CMYA5: variants seen among roughly 807,000 people sequenced by gnomAD.
CMYA5 encodes cardiomyopathy associated 5, also known as cardiomyopathy-associated protein 5.
In CMYA5, 246 loss-of-function variants were observed where a neutral mutation model predicts 318.9. The observed-to-expected ratio is 0.77, with a 90% CI of 0.70 to 0.86. The LOEUF (loss-of-function observed/expected upper bound fraction) is 0.86, where lower values mean the gene tolerates loss of function less well. Ranked by LOEUF, CMYA5 falls within the 40% of genes least tolerant of loss-of-function variation. CMYA5 has a pLI of 0.00. For synonymous variants in CMYA5, 1,641 were observed against 1,729.5 expected (o/e 0.95, Z 1.27); for missense variants, 4,589 against 4,678.2 (o/e 0.98, Z 0.56).
At chr5:79,723,513 T>A (rs60881053) in intron 1 of CMYA5, among the ~76,000 whole-genome samples, 32,706 of 149,566 alleles carry the variant, frequency 0.22, 6,347 homozygotes, top group African/African-American at 0.51. Flanking sequence ...TGTAATCCTA[T>A]CACTTTGGGA....
chr5:79,747,823 T>C (rs1828356449), intron 5 of CMYA5, among the ~76,000 whole-genome samples: 1 of 152,216 alleles, frequency 6.6e-6, no homozygotes. Context: ...TTGAGCCTAA[T>C]GTTTTCTCCT....
In CMYA5 at chr5:79,735,524, A is replaced by T. The variant is rs1580773176; in HGVS notation, c.6759A>T (p.Leu2253Phe). 6.2e-7 allele frequency: 1 copy of T among 1,613,156 alleles called. No individual in the cohort carries two copies. Among genetic ancestry groups the T allele is most frequent in the East Asian group, 2.2e-5 (1 of 44,878 alleles). The change falls in exon 2 of 13, where the codon TTA becomes TTT. Residue 2253 changes from leucine to phenylalanine, a missense_variant. This residue lies in a region of CMYA5 where 2,431 missense variants were observed against 2,495.1 expected (regional missense o/e 0.97). Coordinates refer to ENST00000446378, the MANE Select transcript of CMYA5 (RefSeq NM_153610.5). ...CTGCTGATGAACCCAGAGGTACTTT[A>T]GTAAAATCTGGTGACGGTCAAAACG... ...LKTADEPRGTLVKSGDGQNVK... is the reference protein window; with the variant it reads ...LKTADEPRGTFVKSGDGQNVK...
At chr5:79,761,766 T>C in intron 7 of CMYA5, 45 bp from the exon 8 acceptor site, 5 of 1,564,866 alleles carry the variant, frequency 3.2e-6, no homozygotes, top group Non-Finnish European at 4.3e-6. Flanking sequence ...TAACTTTTAA[T>C]TAACTTTGGA....
chr5:79,709,838 G>A lies in CMYA5; in HGVS notation c.150-19077G>A, dbSNP rs141007903. The stretch of plus-strand genomic sequence containing the variant: ...TAGCTGGGCCTTGTGGTGTGTGCCT[G>A]TAATCCCAGCTATTTGGGAGGCTGA... On this transcript the variant is annotated intron_variant, in intron 1 of 12. Coordinates refer to ENST00000446378, the MANE Select transcript of CMYA5 (RefSeq NM_153610.5). Among the ~76,000 whole-genome samples, 619 of 151,446 alleles carry A rather than the reference G, an allele frequency of 4.1e-3. 6 individuals are homozygous for A. Among genetic ancestry groups the A allele is most frequent in the East Asian group, 0.031 (162 of 5,150 alleles).
chr5:79,728,195 C>G (rs1488605740), intron 1 of CMYA5, among the ~76,000 whole-genome samples: 1 of 152,082 alleles, frequency 6.6e-6, no homozygotes, highest in East Asian at 1.9e-4. Flanking sequence ...TCAGAGTTCC[C>G]AAGATCTATT....
chr5:79,715,316 C>G lies in CMYA5; in HGVS notation c.150-13599C>G, dbSNP rs189786110. On this transcript the variant is annotated intron_variant, in intron 1 of 12. Coordinates refer to ENST00000446378, the MANE Select transcript of CMYA5 (RefSeq NM_153610.5). The stretch of plus-strand genomic sequence containing the variant: ...TAATTTTTTTTTTCTGTGACAGAGT[C>G]TCGCTCTGTCACCCAGGCTGGAGAG... Among the ~76,000 whole-genome samples, 577 of 151,266 alleles carry G rather than the reference C, an allele frequency of 3.8e-3. 8 individuals are homozygous for G. The highest frequency in any genetic ancestry group is 0.029 in the South Asian group (140 of 4,786).
rs1380351568 is a variant in CMYA5, at chr5:79,793,421, T to G, written c.11790-16T>G. 2.5e-6 allele frequency: 4 copies of G among 1,605,518 alleles called. No individual in the cohort carries two copies. The highest frequency in any genetic ancestry group is 3.4e-6 in the Non-Finnish European group (4 of 1,173,374). The stretch of plus-strand genomic sequence containing the variant: ...GATTCCTGCACTGAGCATACTCTGA[T>G]TGACTTCACCCACAGAATCCCGTCA... On this transcript the variant is annotated splice_polypyrimidine_tract_variant and intron_variant, in intron 11 of 12. Coordinates refer to ENST00000446378, the MANE Select transcript of CMYA5 (RefSeq NM_153610.5).
intron 10 of CMYA5, among the ~76,000 whole-genome samples, chr5:79,789,703 G>A (rs914455328): frequency 1.8e-4 from 28 of 152,164 alleles, no homozygotes; most frequent in Non-Finnish European, 3.2e-4. Context: ...GGGATTACAG[G>A]TGTGAGCCAC....
intron 1 of CMYA5, among the ~76,000 whole-genome samples, chr5:79,723,443 G>GAAAAAAA (rs35720490): frequency 3.3e-5 from 4 of 121,530 alleles, no homozygotes; most frequent in African/African-American, 9.9e-5. Context: ...CATCTCAAAG[G>GAAAAAAA]AAAAAAAAAA....
chr5:79,768,939 C>G (rs868846185), intron 9 of CMYA5, among the ~76,000 whole-genome samples: 1 of 152,072 alleles, frequency 6.6e-6, no homozygotes, highest in Non-Finnish European at 1.5e-5. Flanking sequence ...ACCAATCAGA[C>G]GTAGATTTGG....
chr5:79,741,085 C>T (rs1828199402), intron 2 of CMYA5, among the ~76,000 whole-genome samples: 1 of 152,122 alleles, frequency 6.6e-6, no homozygotes, highest in Admixed American at 6.6e-5. Flanking sequence ...CCTGTGCTGC[C>T]CAGGCTGCTC....
chr5:79,767,990 G>A (rs1383053335), intron 9 of CMYA5, among the ~76,000 whole-genome samples: 3 of 152,102 alleles, frequency 2.0e-5, no homozygotes, highest in African/African-American at 7.2e-5. Context: ...CTCCTGTATT[G>A]GGTGCATATA....
intron 3 of CMYA5, among the ~76,000 whole-genome samples, chr5:79,744,836 T>G (rs7707926): frequency 0.013 from 1,954 of 152,344 alleles, 32 homozygotes; most frequent in African/African-American, 0.044. Flanking sequence ...ATCTGGGCTT[T>G]CTGCCTTGCA....
intron 9 of CMYA5, among the ~76,000 whole-genome samples, chr5:79,774,634 T>G (rs1580800855): frequency 6.6e-6 from 1 of 152,202 alleles, no homozygotes; most frequent in African/African-American, 2.4e-5. Context: ...GCTGAGGCTA[T>G]GGGCTGGGGA....
chr5:79,733,434 A>G lies in CMYA5; in HGVS notation c.4669A>G (p.Ile1557Val). Residue 1557 changes from isoleucine (I) to valine (V), a missense_variant, in exon 2 of 13, where the codon ATA (isoleucine) becomes GTA (valine). By Grantham distance (29) the Ile-to-Val change is conservative. This residue lies in a region of CMYA5 where 2,132 missense variants were observed against 2,131.3 expected (regional missense o/e 1.00). Coordinates refer to ENST00000446378, the MANE Select transcript of CMYA5 (RefSeq NM_153610.5). ...SQNVSPASKH[I>V]IPKGKDEETA... ...AAATGTGTCACCTGCATCCAAACAT[A>G]TAATCCCAAAAGGCAAAGATGAGGA... The G allele has an allele frequency of 6.2e-7, 1 of 1,613,894 alleles. No homozygotes were observed.
Position 79,791,048 on chromosome 5 carries a change from G to A in CMYA5, c.11768G>A (p.Gly3923Asp), listed in dbSNP as rs574107249. 47 of 1,613,572 alleles carry A rather than the reference G, an allele frequency of 2.9e-5. No homozygotes were observed. The highest frequency in any genetic ancestry group is 2.1e-5 in the Non-Finnish European group (25 of 1,179,584). Residue 3923 changes from glycine to aspartate, a missense_variant, in exon 11 of 13, where the codon GGT (glycine) becomes GAT (aspartate). By Grantham distance (94) the Gly-to-Asp change is moderately conservative. Coordinates refer to ENST00000446378, the MANE Select transcript of CMYA5 (RefSeq NM_153610.5). ...ISSSGTVISFGERRRLTEIPS... is the reference protein window; with the variant it reads ...ISSSGTVISFDERRRLTEIPS... The stretch of plus-strand genomic sequence containing the variant: ...TCAAGTGGGACAGTGATCAGCTTTG[G>A]TGAGAGGAGACGGCTGACGGAGTAA...
rs747879402 is a variant in CMYA5 at position 79,793,520 on chromosome 5, G to A, written c.11873G>A (p.Arg3958Gln). 3.3e-5 allele frequency: 53 copies of A among 1,613,728 alleles called. No homozygotes were observed. The South Asian group carries it at 3.6e-4, about 11-fold the overall frequency. Residue 3958 changes from arginine to glutamine, a missense_variant, in exon 12 of 13, where the codon CGA becomes CAA. By Grantham distance (43) the Arg-to-Gln change is conservative. This residue lies in a region of CMYA5 where 2,431 missense variants were observed against 2,495.1 expected (regional missense o/e 0.97). Transcript: ENST00000446378. ...ETTVTDCPAY[R>Q]LGICSSSAVQ... ...ACAGTCACAGACTGCCCAGCATATC[G>A]ACTCGGCATCTGCTCCAGCTCGGCT...
At position 79,736,058 on chromosome 5, in the gene CMYA5, A is replaced by G. The variant is rs1354376906; in HGVS notation, c.7293A>G (p.Lys2431=). The G allele has an allele frequency of 1.2e-6, 2 of 1,612,158 alleles. No homozygotes were observed. The highest frequency in any genetic ancestry group is 2.7e-5 in the African/African-American group (2 of 74,794). Residue 2431 remains lysine, a synonymous_variant, in exon 2 of 13, where the codon AAA becomes AAG. Transcript: ENST00000446378. The part of the protein sequence containing the change: ...LIDFSEDRLK[K]EMQNPTSLKI... Reference sequence around the variant, plus strand: ...ATTTCAGTGAAGACAGACTCAAGAAAGAAATGCAAAATCCTACTTCCTTGA... The same window carrying G: ...ATTTCAGTGAAGACAGACTCAAGAAGGAAATGCAAAATCCTACTTCCTTGA...
chr5:79,695,948 T>C (rs1196889369), intron 1 of CMYA5, among the ~76,000 whole-genome samples: 1 of 152,242 alleles, frequency 6.6e-6, no homozygotes, highest in South Asian at 2.1e-4. Context: ...CTTGTTATTA[T>C]CCAGAATCAT....
Sources: allele counts gnomAD v4.1 joint callset (sites outside exome capture counted in the v4.1 genomes callset), GRCh38; gene constraint gnomAD v4.1.1; regional missense constraint gnomAD v4.1.1; transcripts MANE v1.5; gene names NCBI Gene and HGNC (gene_info 2026-07-23, HGNC 2026-07-21).